CHEK2: variants seen among roughly 807,000 people sequenced by gnomAD.
CHEK2 encodes checkpoint kinase 2.
In CHEK2, 71 loss-of-function variants were observed where a neutral mutation model predicts 69.1. The observed-to-expected ratio is 1.03, with a 90% CI of 0.85 to 1.25. The LOEUF is 1.25. CHEK2 is among the 50% of genes most tolerant of loss of function. CHEK2 has a pLI of 0.00. For synonymous variants in CHEK2, 189 were observed against 226.9 expected, an observed-to-expected ratio of 0.83 and a Z score of 1.50; for missense variants, 664 against 649.6, an observed-to-expected ratio of 1.02 and a Z score of -0.24.
chr22:28,706,763 A>G (rs1218249248), intron 7 of CHEK2, among the ~76,000 whole-genome samples: 1 of 152,120 alleles, frequency 6.6e-6, no homozygotes, highest in Non-Finnish European at 1.5e-5. Flanking sequence ...TACTAAAAAT[A>G]CAAAAATTAG....
chr22:28,705,759 C>G (rs989902758), intron 7 of CHEK2, among the ~76,000 whole-genome samples: 2 of 151,820 alleles, frequency 1.3e-5, no homozygotes, highest in Non-Finnish European at 2.9e-5. Context: ...AACCCTGTCT[C>G]TACTAAATAC....
At chr22:28,721,219 T>C (rs1398136197) in intron 4 of CHEK2, among the ~76,000 whole-genome samples, 1 of 152,178 alleles carries the variant, frequency 6.6e-6, no homozygotes, top group Admixed American at 6.6e-5. Flanking sequence ...CAGAGATTTA[T>C]TGTACAACAT....
intron 13 of CHEK2, among the ~76,000 whole-genome samples, chr22:28,692,212 G>C (rs888986209): frequency 3.3e-5 from 5 of 152,218 alleles, no homozygotes; most frequent in Admixed American, 2.0e-4. Context: ...TGTTAGAGAT[G>C]AACACAGCTC....
At chr22:28,709,615 A>G (rs2053308602) in intron 7 of CHEK2, among the ~76,000 whole-genome samples, 1 of 151,962 alleles carries the variant, frequency 6.6e-6, no homozygotes, top group South Asian at 2.1e-4. Flanking sequence ...TTATTCTTTT[A>G]ATTTTTCTTG....
intron 12 of CHEK2, among the ~76,000 whole-genome samples, chr22:28,694,318 C>T (rs2052480895): frequency 6.6e-6 from 1 of 152,196 alleles, no homozygotes; most frequent in Admixed American, 6.5e-5. Flanking sequence ...ATGACACTCC[C>T]TGTCTCCTGC....
intron 7 of CHEK2, among the ~76,000 whole-genome samples, chr22:28,705,648 G>A (rs111724290): frequency 0.045 from 6,859 of 152,108 alleles, 179 homozygotes; most frequent in Middle Eastern, 0.072. Context: ...GCAAGGGGCC[G>A]GGCGCAGTGG....
intron 13 of CHEK2, among the ~76,000 whole-genome samples, chr22:28,690,042 A>G (rs4035551): frequency 6.6e-6 from 1 of 152,350 alleles, no homozygotes; most frequent in African/African-American, 2.4e-5. Context: ...TGGCATGTGC[A>G]GAATACAGAC....
At chr22:28,708,403 T>TGTTA (rs2053251866) in intron 7 of CHEK2, among the ~76,000 whole-genome samples, 1 of 50,220 alleles carries the variant, frequency 2.0e-5, no homozygotes, top group Non-Finnish European at 5.6e-5. Flanking sequence ...GTGTGTGTGT[T>TGTTA]AAAGAGAGAC....
rs2145841047 is a variant in CHEK2 at position 28,699,827 on chromosome 22, G to C, written c.1008+11C>G. The C allele has an allele frequency of 6.3e-7, 1 of 1,581,240 alleles. No homozygotes were observed. The highest frequency in any genetic ancestry group is 1.1e-5 in the South Asian group (1 of 90,418). On this transcript the variant is annotated intron_variant, in intron 9 of 14. Transcript: ENST00000404276. ...AAGGCAGCTGTCAAAAGAATTGAGG[G>C]CTTCTTTTACCTGCACAGCCAAGAG...
intron 7 of CHEK2, 80 bp downstream of exon 7, chr22:28,709,926 T>C (rs2053320703): frequency 2.3e-6 from 2 of 880,900 alleles, no homozygotes; most frequent in South Asian, 2.8e-5. Flanking sequence ...AATATTATCT[T>C]TATTATACTG....
At position 28,710,195 on chromosome 22, in the gene CHEK2, C is replaced by A. The variant is rs1047421029; in HGVS notation, c.793-136G>T. 10 of 614,948 alleles carry A rather than the reference C, an allele frequency of 1.6e-5. No homozygotes were observed. The South Asian group carries it at 1.8e-4, about 11-fold the overall frequency. The allele number at this position is 614,948 out of a possible 1,614,324, so 38.1% of individuals were successfully genotyped here. A position where few individuals can be genotyped will look rare whatever the true frequency, so the allele number is the denominator to read the frequency against. ...CTCTACTTATACAAAGAAATCAAAG[C>A]CCAGGTCAATGACTTAAATACCTCA... On this transcript the variant is annotated intron_variant, in intron 6 of 14. Coordinates refer to ENST00000404276, the MANE Select transcript of CHEK2 (RefSeq NM_007194.4).
chr22:28,736,860 T>G (rs1330853424), intron 1 of CHEK2, among the ~76,000 whole-genome samples: 3 of 148,052 alleles, frequency 2.0e-5, no homozygotes, highest in Non-Finnish European at 1.5e-5. Flanking sequence ...GGAGGATCAC[T>G]TGAGCCCAGG....
intron 7 of CHEK2, among the ~76,000 whole-genome samples, chr22:28,703,836 C>CT (rs2052998049): frequency 6.6e-6 from 1 of 152,114 alleles, no homozygotes; most frequent in Non-Finnish European, 1.5e-5. Context: ...GGAATGAAGG[C>CT]TAGGTCTCTT....
In CHEK2 at chr22:28,699,362, C is replaced by CTTTTT. The variant is rs67508991; in HGVS notation, c.1008+471_1008+475dup. Among the ~76,000 whole-genome samples, 384 of 77,968 alleles carry CTTTTT rather than the reference C, an allele frequency of 4.9e-3. 1 individual carries two copies. The highest frequency in any genetic ancestry group is 6.1e-3 in the Non-Finnish European group (256 of 41,870). The allele number at this position is 77,968 out of a possible 152,430, so 51.2% of individuals were successfully genotyped here. A position where few individuals can be genotyped will look rare whatever the true frequency, so the allele number is the denominator to read the frequency against. ...TTAAGCTACACAGTGAGAGCTTTTT[C>CTTTTT]TTTTTTTTTTTTTTTTTTTTTTGAG... On this transcript the variant is annotated intron_variant, in intron 9 of 14. Transcript: ENST00000404276.
chr22:28,708,639 AGAAGAAACC>A (rs1356352028), intron 7 of CHEK2, among the ~76,000 whole-genome samples: 1 of 151,946 alleles, frequency 6.6e-6, no homozygotes, highest in Non-Finnish European at 1.5e-5. Flanking sequence ...AGAAAAAGAG[AGAAGAAACC>A]TTTTTGCTGT....
intron 4 of CHEK2, among the ~76,000 whole-genome samples, chr22:28,723,601 G>GGAA (rs1555926130): frequency 2.0e-5 from 1 of 48,884 alleles, no homozygotes; most frequent in African/African-American, 7.7e-5. Flanking sequence ...CCGTCACAAG[G>GGAA]AAAAAAAAAG....
At chr22:28,737,259 C>A (rs1185329386) in intron 1 of CHEK2, 1 of 472,884 alleles carries the variant, frequency 2.1e-6, no homozygotes, top group Non-Finnish European at 4.3e-6. Context: ...TTAGTTCTTA[C>A]CATAGACGTT....
chr22:28,735,479 A>G (rs1046461498), intron 1 of CHEK2, among the ~76,000 whole-genome samples: 7 of 152,204 alleles, frequency 4.6e-5, no homozygotes, highest in East Asian at 1.9e-4. Context: ...CTTTCTGTGA[A>G]AGCAATCAGT....
At chr22:28,719,194 TCA>T (rs1323872246) in intron 5 of CHEK2, among the ~76,000 whole-genome samples, 199 bp downstream of exon 5, 2 of 151,570 alleles carry the variant, frequency 1.3e-5, no homozygotes, top group African/African-American at 4.9e-5. Flanking sequence ...ACACCCTGTC[TCA>T]CAAAGAAATA....
Sources: gnomAD v4.1 joint callset for allele counts (sites outside exome capture counted in the v4.1 genomes callset) on GRCh38, gnomAD v4.1.1 for gene constraint, MANE v1.5 for transcripts, NCBI Gene and HGNC (gene_info 2026-07-23, HGNC 2026-07-21) for gene names.